Variants in CNTN4 observed in about 807,000 individuals in gnomAD.
CNTN4 encodes the protein contactin-4.
CNTN4 carries 77 observed loss-of-function variants against 122.5 expected under a neutral mutation model. The observed-to-expected ratio is 0.63, with a 90% CI of 0.52 to 0.76. The LOEUF is 0.76. CNTN4 is among the 30% of genes least tolerant of loss of function. The pLI is 0.00. For synonymous variants in CNTN4, 512 were observed against 447.0 expected (o/e 1.15, Z -1.83); for missense variants, 1,256 against 1,259.1 (o/e 1.00, Z 0.04).
chr3:2,850,795 A>C (rs2093537094), intron 7 of CNTN4, among the ~76,000 whole-genome samples: 1 of 152,194 alleles, frequency 6.6e-6, no homozygotes, highest in African/African-American at 2.4e-5. Context: ...ATAACCAGGG[A>C]ATTTAAATCA....
At chr3:2,807,697 C>T (rs2092502889) in intron 6 of CNTN4, among the ~76,000 whole-genome samples, 1 of 150,252 alleles carries the variant, frequency 6.7e-6, no homozygotes, top group Non-Finnish European at 1.5e-5. Flanking sequence ...TGAGTCTAAG[C>T]ATGACTGGCA....
At chr3:2,632,765 C>T (rs1326313461) in intron 4 of CNTN4, among the ~76,000 whole-genome samples, 1 of 152,106 alleles carries the variant, frequency 6.6e-6, no homozygotes, top group Non-Finnish European at 1.5e-5. Flanking sequence ...TGACACTGCA[C>T]AAGGTATATG....
chr3:2,348,909 T>C (rs2044503673), intron 3 of CNTN4, among the ~76,000 whole-genome samples: 1 of 152,160 alleles, frequency 6.6e-6, no homozygotes, highest in African/African-American at 2.4e-5. Context: ...GGCTCAAGCT[T>C]CCCCATCTAT....
At chr3:2,653,073 A>C (rs184926835) in intron 4 of CNTN4, among the ~76,000 whole-genome samples, 1 of 152,184 alleles carries the variant, frequency 6.6e-6, no homozygotes, top group Non-Finnish European at 1.5e-5. Context: ...TAAATTAATG[A>C]AGCTAATTTT....
At chr3:2,670,955 G>A (rs576050302) in intron 4 of CNTN4, among the ~76,000 whole-genome samples, 4 of 152,326 alleles carry the variant, frequency 2.6e-5, no homozygotes, top group Admixed American at 2.0e-4. Context: ...TTTCTGCGGA[G>A]AGATCAGCTG....
intron 3 of CNTN4, among the ~76,000 whole-genome samples, chr3:2,344,590 T>G (rs2150389663): frequency 6.6e-6 from 1 of 152,198 alleles, no homozygotes; most frequent in Admixed American, 6.5e-5. Flanking sequence ...GGAAAAAAAT[T>G]TAAACATCAG....
chr3:2,979,984 G>A (rs1192267070), intron 13 of CNTN4, among the ~76,000 whole-genome samples: 1 of 152,142 alleles, frequency 6.6e-6, no homozygotes. Flanking sequence ...CTTTCATCAT[G>A]TGTTACTAAA....
At chr3:2,975,696 A>G (rs1693354089) in intron 13 of CNTN4, among the ~76,000 whole-genome samples, 1 of 152,152 alleles carries the variant, frequency 6.6e-6, no homozygotes, top group Non-Finnish European at 1.5e-5. Context: ...CTATTCTTTT[A>G]CAAGCTACTC....
chr3:2,718,373 G>A (rs1189304641), intron 4 of CNTN4, among the ~76,000 whole-genome samples: 1 of 151,930 alleles, frequency 6.6e-6, no homozygotes, highest in East Asian at 1.9e-4. Flanking sequence ...TGGATATTTT[G>A]CCCAGAGTAG....
At chr3:2,276,067 A>T (rs2041498240) in intron 2 of CNTN4, among the ~76,000 whole-genome samples, 1 of 152,134 alleles carries the variant, frequency 6.6e-6, no homozygotes, top group African/African-American at 2.4e-5. Flanking sequence ...AAACTTTTAT[A>T]TATTGAAAAA....
chr3:2,229,374 C>G (rs942247422), intron 2 of CNTN4, among the ~76,000 whole-genome samples: 3 of 152,100 alleles, frequency 2.0e-5, no homozygotes, highest in African/African-American at 7.2e-5. Context: ...ACATCAGCTT[C>G]CTGAAGTCCA....
chr3:2,109,751 T>A (rs1452875302), intron 2 of CNTN4, among the ~76,000 whole-genome samples: 1 of 152,250 alleles, frequency 6.6e-6, no homozygotes, highest in African/African-American at 2.4e-5. Context: ...CTTCAACTAT[T>A]AATTATAAAT....
At chr3:2,187,656 A>C (rs527872607) in intron 2 of CNTN4, among the ~76,000 whole-genome samples, 83 of 152,274 alleles carry the variant, frequency 5.5e-4, no homozygotes, top group African/African-American at 1.8e-3. Context: ...CACAATATCG[A>C]CTACATGCAG....
At chr3:2,821,076 C>T (rs2092859067) in intron 7 of CNTN4, among the ~76,000 whole-genome samples, 1 of 149,694 alleles carries the variant, frequency 6.7e-6, no homozygotes, top group South Asian at 2.1e-4. Context: ...ATTCTCATGC[C>T]TCAGCCTTCC....
intron 23 of CNTN4, among the ~76,000 whole-genome samples, chr3:3,049,611 A>C (rs1385282308): frequency 6.6e-6 from 1 of 152,188 alleles, no homozygotes. Flanking sequence ...AGTACTGCAG[A>C]GAAAAAGAGG....
At chr3:2,503,035 A>G (rs1418605187) in intron 3 of CNTN4, among the ~76,000 whole-genome samples, 1 of 152,198 alleles carries the variant, frequency 6.6e-6, no homozygotes. Context: ...GGTGATAGGT[A>G]TACAAAACTG....
chr3:2,794,428 G>T (rs185253492), intron 6 of CNTN4, among the ~76,000 whole-genome samples: 6 of 152,316 alleles, frequency 3.9e-5, no homozygotes, highest in Admixed American at 3.9e-4. Flanking sequence ...ACAATAAATA[G>T]TAACTCCCAG....
intron 13 of CNTN4, among the ~76,000 whole-genome samples, chr3:2,968,169 A>C (rs1452992680): frequency 6.6e-6 from 1 of 152,244 alleles, no homozygotes; most frequent in Non-Finnish European, 1.5e-5. Flanking sequence ...ATCTGTGGGC[A>C]TGACCATATT....
At chr3:2,587,652 G>A (rs956209674) in intron 4 of CNTN4, among the ~76,000 whole-genome samples, 5 of 152,022 alleles carry the variant, frequency 3.3e-5, no homozygotes, top group East Asian at 1.9e-4. Context: ...TCAGCTATGC[G>A]CTCGATTCAG....
Sources: allele counts gnomAD v4.1 joint callset (sites outside exome capture counted in the v4.1 genomes callset), GRCh38; gene constraint gnomAD v4.1.1; transcripts MANE v1.5; gene names NCBI Gene and HGNC (gene_info 2026-07-23, HGNC 2026-07-21).